The following BPIFB1 variants were observed in gnomAD, a reference collection of about 807,000 sequenced individuals.
BPIFB1 encodes BPI fold-containing family B member 1.
A neutral mutation model predicts 55.1 loss-of-function variants in BPIFB1; 34 were observed. That is an observed-to-expected ratio of 0.62 (90% CI 0.47 to 0.82). The LOEUF is 0.82. Among genes scored for constraint, BPIFB1 ranks in the 40% least tolerant of loss-of-function variants. BPIFB1 has a pLI of 0.00. For missense variants in BPIFB1, 532 were observed against 593.1 expected (o/e 0.90, Z 1.07); for synonymous variants, 236 against 245.3 (o/e 0.96, Z 0.35).
intron 14 of BPIFB1, 139 bp from the exon 15 acceptor site, chr20:33,306,772 G>T: frequency 1.4e-6 from 1 of 728,576 alleles, no homozygotes. Context: ...TGGGGCCAGA[G>T]AACAGGCGAG....
chr20:33,286,373 C>T (rs943801093), intron 2 of BPIFB1, among the ~76,000 whole-genome samples, 185 bp downstream of exon 2: 1 of 152,194 alleles, frequency 6.6e-6, no homozygotes, highest in Admixed American at 6.5e-5. Flanking sequence ...TCCACGATTC[C>T]AAGAACCCCT....
intron 1 of BPIFB1, among the ~76,000 whole-genome samples, chr20:33,284,508 C>T (rs965432907): frequency 6.6e-6 from 1 of 152,174 alleles, no homozygotes; most frequent in Admixed American, 6.5e-5. Context: ...GAGCTCACAG[C>T]TTGGTCAGGG....
At chr20:33,297,074 C>A (rs1980676183) in intron 6 of BPIFB1, among the ~76,000 whole-genome samples, 2 of 152,230 alleles carry the variant, frequency 1.3e-5, no homozygotes, top group African/African-American at 2.4e-5. Flanking sequence ...CAGGAGTGCA[C>A]CACCATGCCT....
At chr20:33,303,199 G>A in intron 11 of BPIFB1, 125 bp downstream of exon 11, 11 of 1,226,194 alleles carry the variant, frequency 9.0e-6, no homozygotes, top group Non-Finnish European at 1.3e-5. Flanking sequence ...ACAGGGGACA[G>A]GGAGCTCTGA....
chr20:33,297,435 C>A, intron 6 of BPIFB1, 90 bp from the exon 7 acceptor site: 2 of 1,407,444 alleles, frequency 1.4e-6, no homozygotes, highest in Non-Finnish European at 1.0e-6. Flanking sequence ...CAGTAGGACA[C>A]AGGCCAGGTG....
intron 1 of BPIFB1, 31 bp downstream of exon 1, chr20:33,283,285 G>A (rs1404611464): frequency 6.5e-6 from 1 of 152,758 alleles, no homozygotes; most frequent in Non-Finnish European, 1.5e-5. Flanking sequence ...GAAAGCCAAG[G>A]TTGCCAGGAA....
At chr20:33,308,370 A>T (rs1246009196) in intron 15 of BPIFB1, among the ~76,000 whole-genome samples, 1 of 152,160 alleles carries the variant, frequency 6.6e-6, no homozygotes, top group Non-Finnish European at 1.5e-5. Context: ...AGGAAAGATG[A>T]GGAAGGAGGC....
At chr20:33,294,690 T>G (rs532389876) in intron 6 of BPIFB1, among the ~76,000 whole-genome samples, 37 of 152,158 alleles carry the variant, frequency 2.4e-4, no homozygotes, top group Non-Finnish European at 4.6e-4. Context: ...TATTTTCCAG[T>G]AGAAAAGATG....
intron 5 of BPIFB1, 136 bp from the exon 6 acceptor site, chr20:33,291,771 C>A (rs1980480011): frequency 2.7e-6 from 2 of 729,718 alleles, no homozygotes; most frequent in Non-Finnish European, 4.6e-6. Context: ...CTACTCCCAG[C>A]CCCGTCTCTA....
intron 6 of BPIFB1, among the ~76,000 whole-genome samples, chr20:33,296,950 G>A (rs1337294444): frequency 6.6e-6 from 1 of 152,220 alleles, no homozygotes; most frequent in Non-Finnish European, 1.5e-5. Flanking sequence ...TTAAAGTAGA[G>A]TCTTGCTCTG....
intron 2 of BPIFB1, among the ~76,000 whole-genome samples, chr20:33,287,757 G>A (rs897017526): frequency 5.9e-5 from 9 of 152,150 alleles, no homozygotes; most frequent in Non-Finnish European, 1.2e-4. Flanking sequence ...GTTAACTCAC[G>A]GGGAAGCTGT....
chr20:33,292,571 G>C (rs961625129), intron 6 of BPIFB1, among the ~76,000 whole-genome samples: 1 of 152,196 alleles, frequency 6.6e-6, no homozygotes, highest in East Asian at 1.9e-4. Flanking sequence ...TTAGCACCCA[G>C]CTCAGAAATT....
chr20:33,300,036 T>C (rs770634285), intron 8 of BPIFB1, 52 bp downstream of exon 8: 1 of 1,504,316 alleles, frequency 6.6e-7, no homozygotes, highest in Non-Finnish European at 9.3e-7. Flanking sequence ...TGCCCTTCTC[T>C]GACCACCAGG....
chr20:33,292,046 G>T lies in BPIFB1; in HGVS notation c.597+58G>T, dbSNP rs1228642283. 2.0e-6 allele frequency: 3 copies of T among 1,497,156 alleles called. No individual in the cohort carries two copies. In the African/African-American group the frequency reaches 4.1e-5, roughly 21 times the overall value. The allele number at this position is 1,497,156 out of a possible 1,614,324, so 92.7% of individuals were successfully genotyped here. The stretch of plus-strand genomic sequence containing the variant: ...GCATTGCGCCCCCTGTGGGGCTTGG[G>T]TGGAACTGCAAGTTGGTGCTAAGTG... On this transcript the variant is annotated intron_variant, in intron 6 of 15. Transcript: ENST00000253354.
At chr20:33,302,556 G>C (rs1225389981) in intron 10 of BPIFB1, 144 bp downstream of exon 10, 1 of 905,000 alleles carries the variant, frequency 1.1e-6, no homozygotes, top group Non-Finnish European at 1.8e-6. Flanking sequence ...AGAGATTTCA[G>C]TCTAGCAGGC....
At chr20:33,292,689 G>A (rs1980512777) in intron 6 of BPIFB1, among the ~76,000 whole-genome samples, 1 of 149,678 alleles carries the variant, frequency 6.7e-6, no homozygotes, top group Non-Finnish European at 1.5e-5. Context: ...CACCCACCAG[G>A]TCCTGTTGGA....
intron 6 of BPIFB1, among the ~76,000 whole-genome samples, chr20:33,293,053 C>CT (rs1383061739): frequency 2.0e-5 from 3 of 152,354 alleles, no homozygotes; most frequent in Non-Finnish European, 4.4e-5. Context: ...TCCCAAGTGG[C>CT]TGGGATGACA....
intron 2 of BPIFB1, 61 bp downstream of exon 2, chr20:33,286,249 C>A: frequency 6.9e-7 from 1 of 1,451,778 alleles, no homozygotes; most frequent in East Asian, 2.3e-5. Context: ...GAGCAGCTTC[C>A]CAAAGGAGGG....
Position 33,309,115 on chromosome 20 carries a change from C to G in BPIFB1, c.1396-593C>G, listed in dbSNP as rs932990143. Among the ~76,000 whole-genome samples the G allele has an allele frequency of 2.0e-5, 3 of 152,160 alleles. No homozygotes were observed. The highest frequency in any genetic ancestry group is 7.2e-5 in the African/African-American group (3 of 41,428). On this transcript the variant is annotated intron_variant, in intron 15 of 15. Transcript: ENST00000253354. The surrounding 1 kb of genome is among the most constrained non-coding windows in gnomAD (Gnocchi z 4.4). ...ATAAATGCTTGGTGAGCAAATGACT[C>G]TCCGTGGCATCTGCTGGGGAGAGGA... is the stretch of plus-strand genomic sequence containing the variant.
Sources: allele counts gnomAD v4.1 joint callset (sites outside exome capture counted in the v4.1 genomes callset), GRCh38; gene constraint gnomAD v4.1.1; non-coding constraint Gnocchi (gnomAD v3.1); transcripts MANE v1.5; gene names NCBI Gene and HGNC (gene_info 2026-07-23, HGNC 2026-07-21).